PSMD5: variants seen among roughly 807,000 people sequenced by gnomAD.
PSMD5 encodes the protein proteasome 26S subunit, non-ATPase 5.
Under a neutral mutation model 52.1 loss-of-function variants are expected in PSMD5, and 40 were observed. The ratio of observed to expected loss-of-function variants is 0.77; its 90% CI spans 0.60 to 1.00. The LOEUF is 1.00. Ranked by LOEUF, PSMD5 falls within the 50% of genes least tolerant of loss-of-function variation. The pLI, the probability that PSMD5 is intolerant of heterozygous loss-of-function variation, is 0.00. For synonymous variants in PSMD5, 211 were observed against 226.6 expected (o/e 0.93, Z 0.62); for missense variants, 575 against 605.2 (o/e 0.95, Z 0.52).
chr9:120,842,809 A>C lies in PSMD5; in HGVS notation c.101T>G (p.Leu34Arg), dbSNP rs1329609697. Residue 34 changes from leucine to arginine, a missense_variant, in exon 1 of 10, where the codon CTC (leucine) becomes CGC (arginine). Coordinates refer to ENST00000210313, the MANE Select transcript of PSMD5 (RefSeq NM_005047.4). ...CGCCGCTTGCTGGCGAAGCTCGTTGAGCGGCACTGCCTGCAGCACGGAGTG... is the reference window on the plus strand; with the variant it reads ...CGCCGCTTGCTGGCGAAGCTCGTTGCGCGGCACTGCCTGCAGCACGGAGTG... ...ALHSVLQAVP[L>R]NELRQQAAEL... 1.2e-6 allele frequency: 2 copies of C among 1,612,344 alleles called. No homozygotes were observed. The highest frequency in any genetic ancestry group is 3.3e-4 in the Middle Eastern group (2 of 5,986).
intron 6 of PSMD5, among the ~76,000 whole-genome samples, chr9:120,825,635 C>T (rs1212455839): frequency 6.6e-6 from 1 of 152,036 alleles, no homozygotes; most frequent in Non-Finnish European, 1.5e-5. Context: ...AGATCTTTCA[C>T]CTCCTTAAAT....
chr9:120,842,899 T>C lies in PSMD5; in HGVS notation c.11A>G (p.Gln4Arg), dbSNP rs1308952894. 1.3e-6 allele frequency: 2 copies of C among 1,587,526 alleles called. No homozygotes were observed. Among genetic ancestry groups the C allele is most frequent in the African/African-American group, 1.3e-5 (1 of 74,472 alleles). The change falls in exon 1 of 10, where the codon CAG (glutamine) becomes CGG (arginine). Residue 4 changes from glutamine to arginine, a missense_variant. Coordinates refer to ENST00000210313, the MANE Select transcript of PSMD5 (RefSeq NM_005047.4). The stretch of plus-strand genomic sequence containing the variant: ...TACCTCTCTCAGCAGCGCCAAAGCC[T>C]GGGCTGCCATCTTGCCCCCCGACGC... MAA[Q>R]ALALLREVAR...
At chr9:120,834,259 T>C (rs1371878536) in intron 1 of PSMD5, among the ~76,000 whole-genome samples, 2 of 151,942 alleles carry the variant, frequency 1.3e-5, no homozygotes, top group Admixed American at 6.6e-5. Flanking sequence ...GGATTACAGG[T>C]GTGAGACACC....
chr9:120,835,685 C>T (rs1021683177), intron 1 of PSMD5, among the ~76,000 whole-genome samples: 2 of 151,624 alleles, frequency 1.3e-5, no homozygotes, highest in African/African-American at 4.9e-5. Context: ...GTCGAGATAG[C>T]GCCATCGCAC....
At chr9:120,834,159 T>G (rs2045182805) in intron 1 of PSMD5, among the ~76,000 whole-genome samples, 1 of 151,948 alleles carries the variant, frequency 6.6e-6, no homozygotes, top group African/African-American at 2.4e-5. Flanking sequence ...TTTTGTATTT[T>G]TAGCAGAGAC....
At chr9:120,826,286 G>A (rs143144931) in intron 6 of PSMD5, among the ~76,000 whole-genome samples, 34 of 152,230 alleles carry the variant, frequency 2.2e-4, no homozygotes, top group African/African-American at 7.5e-4. Flanking sequence ...GAGCCACTGC[G>A]CCCGGCCTTG....
At position 120,817,719 on chromosome 9, in the gene PSMD5, T is replaced by A. The variant is rs890745662; in HGVS notation, c.*187A>T. The A allele has an allele frequency of 2.1e-5, 14 of 670,904 alleles. No individual in the cohort carries two copies. The African/African-American group carries it at 2.5e-4, about 12-fold the overall frequency. The allele number at this position is 670,904 out of a possible 1,614,324, so 41.6% of individuals were successfully genotyped here. On this transcript the variant is annotated 3_prime_UTR_variant, in exon 10 of 10. Coordinates refer to ENST00000210313, the MANE Select transcript of PSMD5 (RefSeq NM_005047.4). Reference sequence around the variant, plus strand: ...CCAAGCTTGTCTGCTCTTAATGCATTCCAAACTCCTAGTTCCACTTTGCAT... The same window carrying A: ...CCAAGCTTGTCTGCTCTTAATGCATACCAAACTCCTAGTTCCACTTTGCAT...
intron 9 of PSMD5, among the ~76,000 whole-genome samples, chr9:120,819,814 C>T (rs556995042): frequency 6.6e-5 from 10 of 151,622 alleles, no homozygotes; most frequent in South Asian, 2.1e-4. Flanking sequence ...CCAGCCTGGG[C>T]GACAGAGCGA....
intron 7 of PSMD5, among the ~76,000 whole-genome samples, chr9:120,822,887 T>C (rs114698660): frequency 0.036 from 5,426 of 152,084 alleles, 351 homozygotes; most frequent in African/African-American, 0.12. Context: ...GCAGTGCAAC[T>C]GAGTGATCAA....
At chr9:120,824,855 T>C in intron 6 of PSMD5, 170 bp from the exon 7 acceptor site, 1 of 544,990 alleles carries the variant, frequency 1.8e-6, no homozygotes, top group Non-Finnish European at 3.1e-6. Flanking sequence ...CTGAAGGACC[T>C]GTGATGTGTG....
chr9:120,829,307 T>A (rs1328881739), intron 4 of PSMD5, 99 bp from the exon 5 acceptor site: 1 of 1,273,002 alleles, frequency 7.9e-7, no homozygotes. Context: ...AGGTACTTTT[T>A]ATAAATGAGT....
chr9:120,837,168 C>T lies in PSMD5; in HGVS notation c.174-3712G>A, dbSNP rs533951669. ...CCTCCCAAAATGCTGGGATTACAGG[C>T]GTTAGCCACCGCGCCCAGCCAATTT... On this transcript the variant is annotated intron_variant, in intron 1 of 9. Transcript: ENST00000210313. 1.8e-3 allele frequency among the ~76,000 whole-genome samples: 269 copies of T among 152,236 alleles called. 3 individuals are homozygous for T. The highest frequency in any genetic ancestry group is 6.2e-3 in the African/African-American group (256 of 41,548).
intron 6 of PSMD5, among the ~76,000 whole-genome samples, chr9:120,826,056 G>A (rs1005238040): frequency 1.3e-4 from 19 of 148,866 alleles, no homozygotes; most frequent in East Asian, 2.0e-4. Flanking sequence ...GTGCAGTGGC[G>A]CGATCCTGGC....
At chr9:120,836,953 G>A (rs1430195434) in intron 1 of PSMD5, among the ~76,000 whole-genome samples, 3 of 148,610 alleles carry the variant, frequency 2.0e-5, no homozygotes, top group Admixed American at 6.7e-5. Context: ...GCAGTGGTGC[G>A]ATCTTGGCTC....
In PSMD5 at chr9:120,818,120, C is replaced by A; in HGVS notation, c.1301G>T (p.Ser434Ile). 6.2e-7 allele frequency: 1 copy of A among 1,614,144 alleles called. No homozygotes were observed. The highest frequency in any genetic ancestry group is 8.5e-7 in the Non-Finnish European group (1 of 1,180,004). Reference sequence around the variant, plus strand: ...CACCACATATTCTACAAAACCTGGACTGTTAAACATAAGTTTCTGAGCCCA... The same window carrying A: ...CACCACATATTCTACAAAACCTGGAATGTTAAACATAAGTTTCTGAGCCCA... Reference protein sequence around the residue: ...QPWAQKLMFNSPGFVEYVVDR... With the variant: ...QPWAQKLMFNIPGFVEYVVDR... Residue 434 changes from serine (S) to isoleucine (I), a missense_variant, in exon 10 of 10, where the codon AGT becomes ATT. Transcript: ENST00000210313.
chr9:120,837,301 C>G (rs920262662), intron 1 of PSMD5, among the ~76,000 whole-genome samples: 1 of 152,208 alleles, frequency 6.6e-6, no homozygotes, highest in Non-Finnish European at 1.5e-5. Context: ...GGATTACAGG[C>G]GTTAGCCACC....
chr9:120,841,065 T>G (rs1016803020), intron 1 of PSMD5, among the ~76,000 whole-genome samples: 4 of 152,194 alleles, frequency 2.6e-5, no homozygotes, highest in Non-Finnish European at 5.9e-5. Context: ...AAAGTGTTTT[T>G]AATCAAACAC....
chr9:120,820,405 CGAGT>C (rs750313014), intron 9 of PSMD5, among the ~76,000 whole-genome samples: 16 of 152,136 alleles, frequency 1.1e-4, no homozygotes, highest in Non-Finnish European at 1.0e-4. Flanking sequence ...TAGTCCTTGA[CGAGT>C]GAGTAAGAGG....
intron 4 of PSMD5, among the ~76,000 whole-genome samples, chr9:120,830,578 C>A (rs1343190643): frequency 6.6e-6 from 1 of 152,150 alleles, no homozygotes; most frequent in Admixed American, 6.5e-5. Context: ...GGAAAAGCAG[C>A]ATAGTATGGT....
Sources: gnomAD v4.1 joint callset for allele counts (sites outside exome capture counted in the v4.1 genomes callset) on GRCh38, gnomAD v4.1.1 for gene constraint, MANE v1.5 for transcripts, NCBI Gene and HGNC (gene_info 2026-07-23, HGNC 2026-07-21) for gene names.